The following CCAR2 variants were observed in gnomAD, a reference collection of about 807,000 sequenced individuals.
The protein encoded by CCAR2 is cell cycle and apoptosis regulator protein 2.
In CCAR2, 21 loss-of-function variants were observed where a neutral mutation model predicts 108.1. The observed-to-expected ratio is 0.19, with a 90% confidence interval of 0.14 to 0.28. The LOEUF (loss-of-function observed/expected upper bound fraction) is 0.28. CCAR2 is among the 10% of genes least tolerant of loss of function. CCAR2 has a pLI of 1.00. For synonymous variants in CCAR2, 577 were observed against 472.8 expected, an observed-to-expected ratio of 1.22 and a Z score of -2.86; for missense variants, 1,126 against 1,177.0, an observed-to-expected ratio of 0.96 and a Z score of 0.63.
intron 11 of CCAR2, 68 bp downstream of exon 11, chr8:22,615,069 C>T (rs539906403): frequency 4.2e-5 from 62 of 1,460,434 alleles, no homozygotes; most frequent in Admixed American, 1.4e-4. Context: ...TGGGAAGGCC[C>T]GGTCCCTGCC....
chr8:22,617,311 T>A, intron 14 of CCAR2, 109 bp from the exon 15 acceptor site: 1 of 1,295,744 alleles, frequency 7.7e-7, no homozygotes, highest in Non-Finnish European at 1.1e-6. Context: ...TGTAGAGCCC[T>A]CCATACAGTG....
intron 7 of CCAR2, among the ~76,000 whole-genome samples, chr8:22,611,087 G>T (rs1359768123): frequency 6.6e-6 from 1 of 151,716 alleles, no homozygotes; most frequent in African/African-American, 2.4e-5. Flanking sequence ...TAGGCCAGGC[G>T]CGGTGGCTCA....
chr8:22,610,967 G>A (rs1315840556), intron 7 of CCAR2, among the ~76,000 whole-genome samples: 1 of 152,152 alleles, frequency 6.6e-6, no homozygotes, highest in Non-Finnish European at 1.5e-5. Context: ...TTATAACGTA[G>A]TTATAGTGTA....
intron 4 of CCAR2, 100 bp downstream of exon 4, chr8:22,606,798 GT>G (rs1801097113): frequency 1.3e-6 from 2 of 1,481,926 alleles, no homozygotes. Context: ...TTGCTTTGCT[GT>G]TTTTGTGCAA....
chr8:22,617,614 C>CGAA (rs947594432), intron 15 of CCAR2, 50 bp downstream of exon 15: 24 of 1,610,828 alleles, frequency 1.5e-5, no homozygotes, highest in Non-Finnish European at 2.0e-5. Flanking sequence ...TGTGGCTTTC[C>CGAA]ACCTGTGGCC....
At chr8:22,618,796 A>G in intron 18 of CCAR2, 31 bp from the exon 19 acceptor site, 1 of 1,613,086 alleles carries the variant, frequency 6.2e-7, no homozygotes, top group Non-Finnish European at 8.5e-7. Context: ...TGGAGACTCC[A>G]TCCTGAATTC....
Position 22,614,414 on chromosome 8 carries a change from T to C in CCAR2, c.952T>C (p.Leu318=). Residue 318 remains leucine, a synonymous_variant, in exon 10 of 21, where the codon TTG becomes CTG. Transcript: ENST00000308511. ...GGTACTGCTGCTCTCTTCCCCGGGG[T>C]TGGAGGAATTGTATCGTTGTTGCAT... ...SKVLLLSSPG[L]EELYRCCMLF... 1.9e-6 allele frequency: 3 copies of C among 1,613,878 alleles called. No individual in the cohort carries two copies. Among genetic ancestry groups the C allele is most frequent in the South Asian group, 2.2e-5 (2 of 91,062 alleles).
chr8:22,611,027 TATAAAATTAAAATAATATAAATAC>T (rs61270050), intron 7 of CCAR2, among the ~76,000 whole-genome samples: 1,668 of 152,028 alleles, frequency 0.011, 32 homozygotes, highest in East Asian at 0.062. Context: ...CATGCTATTA[TATAAAATTAAAATAATATAAATAC>T]ATAAAATTAA....
At chr8:22,615,360 T>TG in intron 11 of CCAR2, 65 bp from the exon 12 acceptor site, 1 of 1,554,820 alleles carries the variant, frequency 6.4e-7, no homozygotes, top group Non-Finnish European at 8.7e-7. Flanking sequence ...AGCCCTTGCC[T>TG]GTGAACGTGG....
chr8:22,605,756 A>C lies in CCAR2; in HGVS notation c.-18A>C, dbSNP rs1051319120. On this transcript the variant is annotated 5_prime_UTR_variant, in exon 2 of 21. Coordinates refer to ENST00000308511, the MANE Select transcript of CCAR2 (RefSeq NM_001393997.1). ...TGAAGCCTTTTCCCCACGACTCTGAAAGAGGACAGCGTTCCCAATGTCCCA... is the reference window on the plus strand; with the variant it reads ...TGAAGCCTTTTCCCCACGACTCTGACAGAGGACAGCGTTCCCAATGTCCCA... 2 of 1,612,036 alleles carry C rather than the reference A, an allele frequency of 1.2e-6. No homozygotes were observed. Among genetic ancestry groups the C allele is most frequent in the Non-Finnish European group, 1.7e-6 (2 of 1,178,720 alleles).
rs974098667 is a variant in CCAR2 at position 22,607,042 on chromosome 8, G to A, written c.357+18G>A. On this transcript the variant is annotated intron_variant, in intron 5 of 20. Coordinates refer to ENST00000308511, the MANE Select transcript of CCAR2 (RefSeq NM_001393997.1). Reference sequence around the variant, plus strand: ...CCAACCAGGTATTCATATCTCCTTAGCATGTGCATTGGAAAGGGAAGGGAT... The same window carrying A: ...CCAACCAGGTATTCATATCTCCTTAACATGTGCATTGGAAAGGGAAGGGAT... 2 of 1,613,046 alleles carry A rather than the reference G, an allele frequency of 1.2e-6. No individual in the cohort carries two copies. Among genetic ancestry groups the A allele is most frequent in the Admixed American group, 1.7e-5 (1 of 59,900 alleles).
At position 22,604,759 on chromosome 8, in the gene CCAR2, A is replaced by C. The variant is rs1228129111; in HGVS notation, c.-122A>C. The C allele has an allele frequency of 3.3e-5, 15 of 455,968 alleles. No homozygotes were observed. The highest frequency in any genetic ancestry group is 6.6e-5 in the Non-Finnish European group (15 of 226,850). 28.2% of individuals were successfully genotyped at this position (455,968 alleles called of 1,614,324 possible). ...CCGACCAGTGGTCGCGCTTCCGGAG[A>C]GGCGCTTCCGGTGGCGGCGGCAGCA... is the stretch of plus-strand genomic sequence containing the variant. On this transcript the variant is annotated 5_prime_UTR_variant, in exon 1 of 21. Coordinates refer to ENST00000308511, the MANE Select transcript of CCAR2 (RefSeq NM_001393997.1).
chr8:22,609,052 C>CT (rs71546822), intron 7 of CCAR2, among the ~76,000 whole-genome samples: 41,306 of 133,092 alleles, frequency 0.31, 6,638 homozygotes, highest in South Asian at 0.37. Flanking sequence ...CTTTTTTTTT[C>CT]TTTTTTTTTT....
rs199539847 is a variant in CCAR2 at position 22,606,594 on chromosome 8, C to T, written c.151-13C>T. ...CCTCCCTTTTACTTTTCAGCTGTCT[C>T]CTTCTCTTACAGGGTGGGGAGAAAC... On this transcript the variant is annotated splice_polypyrimidine_tract_variant and intron_variant, in intron 3 of 20. Coordinates refer to ENST00000308511, the MANE Select transcript of CCAR2 (RefSeq NM_001393997.1). 18 of 1,609,096 alleles carry T rather than the reference C, an allele frequency of 1.1e-5. No individual in the cohort carries two copies. The highest frequency in any genetic ancestry group is 6.7e-5 in the Admixed American group (4 of 60,012).
chr8:22,615,313 C>A, intron 11 of CCAR2, 112 bp from the exon 12 acceptor site: 1 of 1,300,452 alleles, frequency 7.7e-7, no homozygotes, highest in South Asian at 1.4e-5. Context: ...AAGCTTGGTT[C>A]GCAGTGTGTG....
intron 6 of CCAR2, 150 bp downstream of exon 6, chr8:22,607,475 T>G (rs974857906): frequency 1.1e-6 from 1 of 900,668 alleles, no homozygotes; most frequent in South Asian, 2.0e-5. Flanking sequence ...GGGTTTTTTT[T>G]TTTTTTTTTT....
At position 22,615,928 on chromosome 8, in the gene CCAR2, C is replaced by T; in HGVS notation, c.1608+16C>T. 2 of 1,613,606 alleles carry T rather than the reference C, an allele frequency of 1.2e-6. No homozygotes were observed. The highest frequency in any genetic ancestry group is 1.7e-6 in the Non-Finnish European group (2 of 1,179,636). On this transcript the variant is annotated intron_variant, in intron 13 of 20. Coordinates refer to ENST00000308511, the MANE Select transcript of CCAR2 (RefSeq NM_001393997.1). Reference sequence around the variant, plus strand: ...CTCTTTTGAGGCAGGTGTCAAGAGTCTTGGGGAGGCTGTGGGCTGGGATTT... The same window carrying T: ...CTCTTTTGAGGCAGGTGTCAAGAGTTTTGGGGAGGCTGTGGGCTGGGATTT...
At chr8:22,607,432 G>A in intron 6 of CCAR2, 107 bp downstream of exon 6, 1 of 1,327,506 alleles carries the variant, frequency 7.5e-7, no homozygotes, top group Non-Finnish European at 1.0e-6. Context: ...TCTATGTACT[G>A]GAAGAAAGGT....
Position 22,606,958 on chromosome 8 carries a change from G to A in CCAR2, c.291G>A (p.Lys97=). Residue 97 remains lysine, a synonymous_variant, in exon 5 of 21, where the codon AAG becomes AAA. Coordinates refer to ENST00000308511, the MANE Select transcript of CCAR2 (RefSeq NM_001393997.1). ...LPQLGEKVLV[K]AAYNPGQAVP... ...AGCTGGGTGAGAAGGTGCTGGTGAA[G>A]GCTGCATACAACCCAGGCCAGGCAG... The A allele has an allele frequency of 6.2e-7, 1 of 1,614,150 alleles. No individual in the cohort carries two copies. Among genetic ancestry groups the A allele is most frequent in the East Asian group, 2.2e-5 (1 of 44,880 alleles).
Sources: allele counts gnomAD v4.1 joint callset (sites outside exome capture counted in the v4.1 genomes callset), GRCh38; gene constraint gnomAD v4.1.1; transcripts MANE v1.5; gene names NCBI Gene and HGNC (gene_info 2026-07-23, HGNC 2026-07-21).